C12orf42: variants seen among roughly 807,000 people sequenced by gnomAD.
C12orf42 encodes uncharacterized protein C12orf42.
A neutral mutation model predicts 21.6 loss-of-function variants in C12orf42; 25 were observed. The observed-to-expected ratio is 1.16, with a 90% CI of 0.84 to 1.62. C12orf42 has a LOEUF of 1.62. Ranked by LOEUF, C12orf42 falls within the 40% of genes most tolerant of loss-of-function variation. C12orf42 has a pLI of 0.00. For missense variants in C12orf42, 483 were observed against 459.3 expected, an observed-to-expected ratio of 1.05 and a Z score of -0.47; for synonymous variants, 174 against 175.0, an observed-to-expected ratio of 0.99 and a Z score of 0.05.
At chr12:103,076,406 T>C in the C12orf42 span, among the ~76,000 whole-genome samples, 1,622 of 151,992 alleles carry the variant, frequency 0.011, 12 homozygotes, top group South Asian at 0.019. Context: ...AAATATGGCC[T>C]ACCACCATCA....
At chr12:103,196,472 T>G in the C12orf42 span, among the ~76,000 whole-genome samples, 1 of 152,154 alleles carries the variant, frequency 6.6e-6, no homozygotes, top group Non-Finnish European at 1.5e-5. Context: ...GTACTGAGTT[T>G]ATGTCCCAAG....
the C12orf42 span, among the ~76,000 whole-genome samples, chr12:103,109,220 G>A: frequency 6.6e-6 from 1 of 152,124 alleles, no homozygotes; most frequent in African/African-American, 2.4e-5. Context: ...ATAAAATCTG[G>A]ATGATATTGG....
chr12:103,544,599 C>T, the C12orf42 span, among the ~76,000 whole-genome samples: 1 of 152,082 alleles, frequency 6.6e-6, no homozygotes, highest in Non-Finnish European at 1.5e-5. Flanking sequence ...ATTCCCTTTC[C>T]CTCATATCTC....
intron 4 of C12orf42, among the ~76,000 whole-genome samples, chr12:103,320,369 A>G (rs1298108447): frequency 1.3e-5 from 2 of 152,236 alleles, no homozygotes; most frequent in African/African-American, 2.4e-5. Context: ...GAGAAATCAC[A>G]TATTTTAACG....
At chr12:103,550,769 A>G in the C12orf42 span, 1 of 152,172 alleles carries the variant, frequency 6.6e-6, no homozygotes, top group Admixed American at 6.5e-5. Flanking sequence ...ATCAAATAAC[A>G]TGGTATTATA....
the C12orf42 span, among the ~76,000 whole-genome samples, chr12:103,530,025 G>C: frequency 2.0e-5 from 3 of 152,152 alleles, no homozygotes; most frequent in African/African-American, 7.2e-5. Flanking sequence ...TAAGGCACAA[G>C]TTATTAAAAT....
At chr12:103,144,935 G>A in the C12orf42 span, among the ~76,000 whole-genome samples, 6 of 152,182 alleles carry the variant, frequency 3.9e-5, no homozygotes, top group African/African-American at 1.4e-4. Context: ...ATATCATTGT[G>A]TCCTTCCCTC....
chr12:103,152,705 AT>A, the C12orf42 span, among the ~76,000 whole-genome samples: 1 of 152,142 alleles, frequency 6.6e-6, no homozygotes, highest in Non-Finnish European at 1.5e-5. Context: ...TAGTAATCAT[AT>A]TTTGTGGCTA....
chr12:103,051,833 C>A, the C12orf42 span, among the ~76,000 whole-genome samples: 1 of 152,206 alleles, frequency 6.6e-6, no homozygotes, highest in East Asian at 1.9e-4. Context: ...ATACTCAAGT[C>A]TCTTTCATCC....
At chr12:103,322,151 GCA>G in intron 4 of C12orf42, among the ~76,000 whole-genome samples, 1 of 147,162 alleles carries the variant, frequency 6.8e-6, no homozygotes, top group Admixed American at 6.7e-5. Context: ...ACACACACAC[GCA>G]CACGCACACA....
the C12orf42 span, chr12:103,505,494 G>A: frequency 2.6e-6 from 1 of 388,592 alleles, no homozygotes; most frequent in Non-Finnish European, 4.8e-6. Flanking sequence ...AACGTGGTAG[G>A]GACGGCATTT....
At chr12:103,220,505 G>T in the C12orf42 span, among the ~76,000 whole-genome samples, 2 of 152,234 alleles carry the variant, frequency 1.3e-5, no homozygotes, top group South Asian at 2.1e-4. Flanking sequence ...TTATACAAAA[G>T]ATCTCTTTTT....
intron 5 of C12orf42, among the ~76,000 whole-genome samples, chr12:103,274,978 A>G (rs1363742937): frequency 6.6e-6 from 1 of 152,136 alleles, no homozygotes; most frequent in Non-Finnish European, 1.5e-5. Flanking sequence ...AGTTTCATTC[A>G]TGAGAAAAGA....
the C12orf42 span, among the ~76,000 whole-genome samples, chr12:103,515,954 G>A: frequency 6.6e-6 from 1 of 152,220 alleles, no homozygotes; most frequent in East Asian, 1.9e-4. Flanking sequence ...GTGTAAGAAA[G>A]ATGAATGAGA....
At chr12:103,428,544 G>A (rs1350836926) in intron 2 of C12orf42, among the ~76,000 whole-genome samples, 1 of 152,104 alleles carries the variant, frequency 6.6e-6, no homozygotes, top group Non-Finnish European at 1.5e-5. Context: ...AGAGGTACAA[G>A]GAGGAGCTGG....
At chr12:103,355,665 C>T (rs1210453048) in intron 4 of C12orf42, among the ~76,000 whole-genome samples, 1 of 152,024 alleles carries the variant, frequency 6.6e-6, no homozygotes, top group Non-Finnish European at 1.5e-5. Flanking sequence ...GGCCTGGATC[C>T]CCAATAGCCT....
At chr12:103,122,098 C>G in the C12orf42 span, among the ~76,000 whole-genome samples, 13 of 152,138 alleles carry the variant, frequency 8.5e-5, no homozygotes, top group Non-Finnish European at 1.5e-4. Context: ...AGAGTTGGGG[C>G]CAGGCTGGAG....
intron 6 of C12orf42, among the ~76,000 whole-genome samples, chr12:103,269,410 G>A (rs941976685): frequency 5.9e-5 from 9 of 152,070 alleles, no homozygotes; most frequent in South Asian, 2.1e-4. Flanking sequence ...TACTCATATT[G>A]TGTTTCATCC....
At chr12:103,368,314 C>CTA (rs1209699397) in intron 4 of C12orf42, among the ~76,000 whole-genome samples, 2 of 137,456 alleles carry the variant, frequency 1.5e-5, no homozygotes, top group Admixed American at 6.9e-5. Context: ...CTGTCTCTCT[C>CTA]TCTCACACAC....
Sources: allele counts gnomAD v4.1 joint callset (sites outside exome capture counted in the v4.1 genomes callset), GRCh38; gene constraint gnomAD v4.1.1; transcripts MANE v1.5; gene names NCBI Gene and HGNC (gene_info 2026-07-23, HGNC 2026-07-21).